Variants in XPO7 observed in about 807,000 individuals in gnomAD.
XPO7 encodes the protein exportin 7.
In XPO7, 21 loss-of-function variants were observed where a neutral mutation model predicts 144.3. That is an observed-to-expected ratio of 0.15 (90% CI 0.10 to 0.21). XPO7 has a LOEUF of 0.21. Among genes scored for constraint, XPO7 ranks in the 10% least tolerant of loss-of-function variants. The pLI is 1.00. For missense variants in XPO7, 808 were observed against 1,325.8 expected (o/e 0.61, Z 6.06); for synonymous variants, 580 against 499.6 (o/e 1.16, Z -2.15).
chr8:21,948,347 T>C (rs1811259033), intron 1 of XPO7, among the ~76,000 whole-genome samples: 1 of 152,210 alleles, frequency 6.6e-6, no homozygotes, highest in South Asian at 2.1e-4. Flanking sequence ...CAAAGACCAT[T>C]GTGTTACGGT....
intron 1 of XPO7, among the ~76,000 whole-genome samples, chr8:21,947,251 T>C (rs1811222318): frequency 6.6e-6 from 1 of 152,190 alleles, no homozygotes; most frequent in Non-Finnish European, 1.5e-5. Flanking sequence ...CTAAGATCAC[T>C]GTTACTCAAG....
chr8:21,987,673 G>C (rs1223956343), intron 14 of XPO7, 111 bp from the exon 15 acceptor site: 20 of 1,204,048 alleles, frequency 1.7e-5, no homozygotes, highest in Non-Finnish European at 2.4e-5. Context: ...TCCTCTCTGG[G>C]ATTCTTGTCC....
chr8:21,975,694 G>A (rs1486562817), intron 6 of XPO7, among the ~76,000 whole-genome samples: 1 of 152,200 alleles, frequency 6.6e-6, no homozygotes, highest in Non-Finnish European at 1.5e-5. Context: ...ACCCGCTGGA[G>A]GGGAAAAGCT....
At chr8:21,963,789 A>C (rs2117317690) in intron 1 of XPO7, among the ~76,000 whole-genome samples, 1 of 152,346 alleles carries the variant, frequency 6.6e-6, no homozygotes, top group Admixed American at 6.5e-5. Flanking sequence ...GGAGTAATAT[A>C]ACATCTAATG....
intron 1 of XPO7, among the ~76,000 whole-genome samples, chr8:21,938,736 T>C (rs1338102996): frequency 6.6e-6 from 1 of 152,078 alleles, no homozygotes; most frequent in Non-Finnish European, 1.5e-5. Context: ...CGAATACCCT[T>C]ATATTAACTT....
intron 6 of XPO7, among the ~76,000 whole-genome samples, chr8:21,975,404 A>G (rs1011836262): frequency 2.0e-4 from 31 of 152,210 alleles, no homozygotes; most frequent in African/African-American, 7.2e-4. Flanking sequence ...GAGCTGAACT[A>G]AGAAAGAAGT....
rs1488291483 is a variant in XPO7 at position 21,987,138 on chromosome 8, C to T, written c.1578-3C>T. 2.3e-5 allele frequency: 37 copies of T among 1,613,684 alleles called. No individual in the cohort carries two copies. The highest frequency in any genetic ancestry group is 2.9e-5 in the Non-Finnish European group (34 of 1,179,890). On this transcript the variant is annotated splice_region_variant and splice_polypyrimidine_tract_variant and intron_variant, in intron 13 of 27. Coordinates refer to ENST00000252512, the MANE Select transcript of XPO7 (RefSeq NM_015024.5). ...GAGAGAATCATTGCTCCTCTTCCTC[C>T]AGGGTGCTCCAGCTGATGAACCTAA...
At chr8:21,950,651 TACTTTA>T (rs1305675397) in intron 1 of XPO7, among the ~76,000 whole-genome samples, 19 of 152,216 alleles carry the variant, frequency 1.2e-4, no homozygotes, top group Non-Finnish European at 2.2e-4. Context: ...AGATGATTGT[TACTTTA>T]ACTTTAAAAG....
Position 21,925,448 on chromosome 8 carries a change from T to G in XPO7, c.18+5660T>G, listed in dbSNP as rs376634922. Reference sequence around the variant, plus strand: ...AACATCGGTATAGAGATAATAGTAATAGAATTTTCCTTGAAATAAGCTGAT... The same window carrying G: ...AACATCGGTATAGAGATAATAGTAAGAGAATTTTCCTTGAAATAAGCTGAT... On this transcript the variant is annotated intron_variant, in intron 1 of 27. Transcript: ENST00000252512. Among the ~76,000 whole-genome samples, 428 of 152,318 alleles carry G rather than the reference T, an allele frequency of 2.8e-3. 2 individuals are homozygous for G. Among genetic ancestry groups the G allele is most frequent in the South Asian group, 0.028 (134 of 4,828 alleles).
intron 8 of XPO7, among the ~76,000 whole-genome samples, chr8:21,979,506 C>G (rs2117352065): frequency 6.6e-6 from 1 of 151,110 alleles, no homozygotes; most frequent in East Asian, 2.0e-4. Flanking sequence ...CTCCCAGCTT[C>G]AAGCGATTCT....
chr8:21,981,972 A>G, intron 10 of XPO7, 95 bp downstream of exon 10: 1 of 1,527,406 alleles, frequency 6.5e-7, no homozygotes, highest in South Asian at 1.3e-5. Context: ...TTTTCTTGGC[A>G]AAGGTAACCA....
chr8:21,927,606 C>G (rs900192333), intron 1 of XPO7, among the ~76,000 whole-genome samples: 8 of 146,452 alleles, frequency 5.5e-5, no homozygotes, highest in Non-Finnish European at 8.9e-5. Flanking sequence ...AGTGCAGTGG[C>G]GCAATCTCGG....
intron 1 of XPO7, among the ~76,000 whole-genome samples, chr8:21,933,279 T>A (rs1344263211): frequency 2.0e-5 from 3 of 152,056 alleles, no homozygotes; most frequent in Non-Finnish European, 4.4e-5. Context: ...TTTTTCTCTT[T>A]TTAGTAGAGA....
At chr8:21,976,648 CT>C (rs942490833) in intron 7 of XPO7, 127 bp downstream of exon 7, 92 of 1,171,528 alleles carry the variant, frequency 7.9e-5, no homozygotes, top group Non-Finnish European at 1.0e-4. Flanking sequence ...ATTCTAACGT[CT>C]TTTTTTGTTT....
rs144447024 is a variant in XPO7, at chr8:21,948,420, C to A, written c.19-18437C>A. ...TGTAGCCTAGGAGCAGTAGGCTATA[C>A]CATATAGCTTAGGTGTATTGCAGGT... On this transcript the variant is annotated intron_variant, in intron 1 of 27. Transcript: ENST00000252512. 3.5e-4 allele frequency among the ~76,000 whole-genome samples: 54 copies of A among 152,284 alleles called. No homozygotes were observed. In the East Asian group the frequency reaches 8.1e-3, roughly 23 times the overall value.
intron 1 of XPO7, among the ~76,000 whole-genome samples, chr8:21,956,997 G>A (rs1185118583): frequency 6.6e-6 from 1 of 152,268 alleles, no homozygotes; most frequent in Middle Eastern, 3.4e-3. Flanking sequence ...AAAGCGTGGC[G>A]AGGCTTGTCT....
At position 21,970,241 on chromosome 8, in the gene XPO7, C is replaced by A; in HGVS notation, c.357C>A (p.Gly119=). The change falls in exon 4 of 28, where the codon GGC becomes GGA. Residue 119 remains glycine, a synonymous_variant. Coordinates refer to ENST00000252512, the MANE Select transcript of XPO7 (RefSeq NM_015024.5). ...TATATGCCAGAATCACAAAACTGGG[C>A]TGGTTTGACTGTCAGAAGGATGACT... is the stretch of plus-strand genomic sequence containing the variant. ...IQLYARITKL[G]WFDCQKDDYV... 6.2e-7 allele frequency: 1 copy of A among 1,613,716 alleles called. No homozygotes were observed. Among genetic ancestry groups the A allele is most frequent in the Non-Finnish European group, 8.5e-7 (1 of 1,179,794 alleles).
chr8:21,926,555 G>GT (rs80094754), intron 1 of XPO7, among the ~76,000 whole-genome samples: 533 of 148,510 alleles, frequency 3.6e-3, no homozygotes, highest in African/African-American at 0.012. Flanking sequence ...TTCAAAGCTT[G>GT]TTTTTTTTTT....
chr8:21,943,531 A>C (rs1418393680), intron 1 of XPO7, among the ~76,000 whole-genome samples: 1 of 152,216 alleles, frequency 6.6e-6, no homozygotes, highest in Non-Finnish European at 1.5e-5. Flanking sequence ...AGATTTAAGG[A>C]TATAAAACCA....
Sources: allele counts gnomAD v4.1 joint callset (sites outside exome capture counted in the v4.1 genomes callset), GRCh38; gene constraint gnomAD v4.1.1; transcripts MANE v1.5; gene names NCBI Gene and HGNC (gene_info 2026-07-23, HGNC 2026-07-21).